CNBD2: variants seen among roughly 807,000 people sequenced by gnomAD.
CNBD2 encodes the protein cyclic nucleotide-binding domain-containing protein 2.
In CNBD2, 64 loss-of-function variants were observed where a neutral mutation model predicts 63.7. The observed-to-expected ratio is 1.00, with a 90% CI of 0.82 to 1.24. The LOEUF is 1.24. Among genes scored for constraint, CNBD2 ranks in the 50% most tolerant of loss-of-function variants. The pLI is 0.00. For synonymous variants in CNBD2, 229 were observed against 255.4 expected (o/e 0.90, Z 0.99); for missense variants, 691 against 713.5 (o/e 0.97, Z 0.36).
chr20:36,011,487 C>G (rs868589832), intron 10 of CNBD2, among the ~76,000 whole-genome samples: 2 of 152,194 alleles, frequency 1.3e-5, no homozygotes, highest in South Asian at 4.2e-4. Flanking sequence ...GAGTTTGAGA[C>G]CAGCCTGACC....
At chr20:35,973,832 C>T (rs865835442) in intron 2 of CNBD2, 2 of 152,154 alleles carry the variant, frequency 1.3e-5, no homozygotes, top group South Asian at 4.1e-4. Flanking sequence ...TGTTCTAGTT[C>T]CCCAGAGGTA....
At chr20:36,001,896 G>A (rs1423599379) in intron 8 of CNBD2, among the ~76,000 whole-genome samples, 4 of 149,626 alleles carry the variant, frequency 2.7e-5, no homozygotes, top group African/African-American at 7.4e-5. Flanking sequence ...GGGCAGAGAC[G>A]CTCCTCACTT....
chr20:35,998,981 A>G (rs564280079), intron 8 of CNBD2, among the ~76,000 whole-genome samples: 15 of 151,412 alleles, frequency 9.9e-5, no homozygotes, highest in Non-Finnish European at 2.2e-4. Flanking sequence ...TTTGCCTCAT[A>G]TATTTTGAAG....
At chr20:35,984,875 T>C (rs1320839104) in intron 6 of CNBD2, 97 bp downstream of exon 6, 21 of 1,266,502 alleles carry the variant, frequency 1.7e-5, no homozygotes, top group South Asian at 5.3e-5. Context: ...TACTGGTTGC[T>C]GTTCTCTCTG....
chr20:35,970,956 T>C (rs1012266971), intron 1 of CNBD2, among the ~76,000 whole-genome samples: 40 of 151,058 alleles, frequency 2.6e-4, no homozygotes, highest in Admixed American at 1.5e-3. Flanking sequence ...TTTTCTTTTT[T>C]TTTTTTTTTG....
upstream of CNBD2, among the ~76,000 whole-genome samples, chr20:35,965,487 C>T (rs938387976): frequency 1.3e-5 from 2 of 152,138 alleles, no homozygotes; most frequent in South Asian, 4.1e-4. Flanking sequence ...CGAATCTTCT[C>T]ATAAATTGTT....
intron 11 of CNBD2, among the ~76,000 whole-genome samples, chr20:36,024,208 G>T (rs959508599): frequency 1.3e-5 from 2 of 151,978 alleles, no homozygotes; most frequent in Admixed American, 1.3e-4. Flanking sequence ...GGTGGCACAT[G>T]CCTGTAATCC....
chr20:35,956,642 C>G (rs1394729990), downstream of CNBD2, among the ~76,000 whole-genome samples: 1 of 152,194 alleles, frequency 6.6e-6, no homozygotes, highest in Non-Finnish European at 1.5e-5. Flanking sequence ...ACCTTGACTT[C>G]TGTCTGGCCC....
In CNBD2 at chr20:36,030,421, T is replaced by A. The variant is rs2147390178; in HGVS notation, c.1504T>A (p.Leu502Met). The change falls in exon 12 of 12, where the codon TTG becomes ATG. Residue 502 changes from leucine to methionine, a missense_variant. Transcript: ENST00000373973. ...CTGGAATATCTTTCGGAAGGACCTG[T>A]TGCAGCTGCTCGTGGAGCCTTGCCA... is the stretch of plus-strand genomic sequence containing the variant. ...NSWNIFRKDL[L>M]QLLVEPCQSQ... 2 of 1,614,178 alleles carry A rather than the reference T, an allele frequency of 1.2e-6. No homozygotes were observed. The highest frequency in any genetic ancestry group is 1.7e-6 in the Non-Finnish European group (2 of 1,180,028).
chr20:35,968,544 G>C, upstream of CNBD2: 7 of 468,644 alleles, frequency 1.5e-5, no homozygotes, highest in Non-Finnish European at 2.4e-5. Flanking sequence ...CCTGCCTCCA[G>C]AATCTTTCAT....
chr20:35,995,954 G>C (rs11479339), intron 8 of CNBD2, among the ~76,000 whole-genome samples: 1,815 of 152,306 alleles, frequency 0.012, 29 homozygotes, highest in African/African-American at 0.041. Flanking sequence ...AGGACTTCTT[G>C]CTGGTGGGGA....
chr20:35,993,719 T>G (rs2147268980), intron 7 of CNBD2, among the ~76,000 whole-genome samples: 1 of 152,268 alleles, frequency 6.6e-6, no homozygotes, highest in East Asian at 1.9e-4. Context: ...AGTTTTTATC[T>G]CTATGTTTTT....
At position 35,972,780 on chromosome 20, in the gene CNBD2, C is replaced by A. The variant is rs747865904; in HGVS notation, c.189+14C>A. 1 of 1,613,742 alleles carries A rather than the reference C, an allele frequency of 6.2e-7. No homozygotes were observed. The highest frequency in any genetic ancestry group is 8.5e-7 in the Non-Finnish European group (1 of 1,179,714). On this transcript the variant is annotated intron_variant, in intron 2 of 11. Transcript: ENST00000373973. ...TCCTTCTGGGATGTAAGCAGTTGGGCTCAGCAGGATTATGAGGGCTCAAAG... is the reference window on the plus strand; with the variant it reads ...TCCTTCTGGGATGTAAGCAGTTGGGATCAGCAGGATTATGAGGGCTCAAAG...
intron 10 of CNBD2, among the ~76,000 whole-genome samples, chr20:36,011,756 T>G (rs553977084): frequency 6.6e-6 from 1 of 152,280 alleles, no homozygotes; most frequent in Admixed American, 6.5e-5. Context: ...AACAATTTTT[T>G]TAAAAAGAAA....
chr20:35,998,129 C>T (rs1252068793), intron 8 of CNBD2, among the ~76,000 whole-genome samples: 4 of 150,608 alleles, frequency 2.7e-5, no homozygotes, highest in African/African-American at 9.8e-5. Context: ...TCATCCTCCA[C>T]CCCCCAGGTT....
At chr20:35,955,838 G>A (rs11697216), downstream of CNBD2, among the ~76,000 whole-genome samples, 248 of 152,036 alleles carry the variant, frequency 1.6e-3, 1 homozygote, top group Middle Eastern at 6.8e-3. Flanking sequence ...TCCTCCCTCC[G>A]CCTCCCGAGT....
At chr20:35,960,478 C>A (rs986910515) in intron 2 of CNBD2, among the ~76,000 whole-genome samples, 1 of 152,176 alleles carries the variant, frequency 6.6e-6, no homozygotes, top group Non-Finnish European at 1.5e-5. Context: ...TAGCTGGGAC[C>A]ACAGGCGCGT....
At position 35,994,891 on chromosome 20, in the gene CNBD2, A is replaced by T. The variant is rs1601056482; in HGVS notation, c.856-147A>T. On this transcript the variant is annotated intron_variant, in intron 7 of 11. Coordinates refer to ENST00000373973, the MANE Select transcript of CNBD2 (RefSeq NM_001365709.1). ...GTGACAAAGTGAGACTCCATCTCAA[A>T]AAAAAGAAAAAAGAACCTGAAACCA... is the stretch of plus-strand genomic sequence containing the variant. The T allele has an allele frequency of 3.9e-5, 22 of 564,228 alleles. No individual in the cohort carries two copies. In the East Asian group the frequency reaches 7.1e-4, roughly 18 times the overall value. 35.0% of individuals were successfully genotyped at this position (564,228 alleles called of 1,614,324 possible).
intron 8 of CNBD2, 80 bp from the exon 9 acceptor site, chr20:36,008,217 G>A (rs1430390205): frequency 8.2e-7 from 1 of 1,217,498 alleles, no homozygotes; most frequent in Non-Finnish European, 1.2e-6. Context: ...AGGTTCCTGT[G>A]ATAAGCTTCA....
Sources: allele counts gnomAD v4.1 joint callset (sites outside exome capture counted in the v4.1 genomes callset), GRCh38; gene constraint gnomAD v4.1.1; transcripts MANE v1.5; gene names NCBI Gene and HGNC (gene_info 2026-07-23, HGNC 2026-07-21).